Variants in LEMD3 observed in about 807,000 individuals in gnomAD.
LEMD3 encodes LEM domain containing 3.
In LEMD3, 33 loss-of-function variants were observed where a neutral mutation model predicts 95.2. The observed-to-expected ratio is 0.35, with a 90% confidence interval of 0.26 to 0.46. The LOEUF is 0.46. Among genes scored for constraint, LEMD3 ranks in the 20% least tolerant of loss-of-function variants. LEMD3 has a pLI of 1.00. For missense variants in LEMD3, 1,210 were observed against 1,192.8 expected, an observed-to-expected ratio of 1.01 and a Z score of -0.21; for synonymous variants, 525 against 474.6, an observed-to-expected ratio of 1.11 and a Z score of -1.38.
chr12:65,236,979 C>T (rs549861804), intron 4 of LEMD3, among the ~76,000 whole-genome samples: 3 of 151,790 alleles, frequency 2.0e-5, no homozygotes, highest in African/African-American at 4.8e-5. Flanking sequence ...TTTTTGGTTC[C>T]CTATAATTAC....
Position 65,170,507 on chromosome 12 carries a change from G to A in LEMD3, c.911G>A (p.Gly304Asp), listed in dbSNP as rs1225524811. The A allele has an allele frequency of 4.3e-6, 7 of 1,614,122 alleles. No homozygotes were observed. In the South Asian group the frequency reaches 4.4e-5, roughly 10 times the overall value. ...LPPLTAKSAG[G>D]RLETSVQGGG... ...CCGCTGACTGCTAAATCGGCCGGCG[G>A]CAGGCTGGAGACTTCAGTTCAGGGA... Residue 304 changes from glycine to aspartate, a missense_variant, in exon 1 of 13, where the codon GGC becomes GAC. Coordinates refer to ENST00000308330, the MANE Select transcript of LEMD3 (RefSeq NM_014319.5).
In LEMD3 at chr12:65,188,794, T is replaced by C. The variant is rs544519548; in HGVS notation, c.1522+17676T>C. 3.9e-5 allele frequency among the ~76,000 whole-genome samples: 6 copies of C among 152,292 alleles called. No individual in the cohort carries two copies. In the South Asian group the frequency reaches 1.2e-3, roughly 32 times the overall value. Reference sequence around the variant, plus strand: ...CAGGCTCATGGAAGAAGTATTCCTTTCTTGTTCATCTTATTTTTGTTGCTC... The same window carrying C: ...CAGGCTCATGGAAGAAGTATTCCTTCCTTGTTCATCTTATTTTTGTTGCTC... On this transcript the variant is annotated intron_variant, in intron 1 of 12. Transcript: ENST00000308330.
chr12:65,194,760 A>ATAAAT (rs1869357185), intron 1 of LEMD3, among the ~76,000 whole-genome samples: 1 of 33,614 alleles, frequency 3.0e-5, no homozygotes, highest in African/African-American at 2.2e-4. Context: ...CATTAGTTTT[A>ATAAAT]CATAGGCAGT....
chr12:65,245,364 C>A (rs1315714710), intron 10 of LEMD3: 1 of 322,754 alleles, frequency 3.1e-6, no homozygotes, highest in East Asian at 7.9e-5. Context: ...TGGTCTCGAT[C>A]TCCTGACCTC....
At chr12:65,235,275 A>G (rs932561689) in intron 4 of LEMD3, among the ~76,000 whole-genome samples, 1 of 152,158 alleles carries the variant, frequency 6.6e-6, no homozygotes. Context: ...TTTCATTTAT[A>G]TACAAAGTGA....
At chr12:65,235,042 C>T (rs960212150) in intron 4 of LEMD3, among the ~76,000 whole-genome samples, 1 of 152,062 alleles carries the variant, frequency 6.6e-6, no homozygotes, top group Non-Finnish European at 1.5e-5. Context: ...ACAAGCTGAA[C>T]AGCATGTATA....
At chr12:65,189,557 T>G (rs901865099) in intron 1 of LEMD3, among the ~76,000 whole-genome samples, 1 of 152,184 alleles carries the variant, frequency 6.6e-6, no homozygotes, top group South Asian at 2.1e-4. Flanking sequence ...CCAAGCAGTT[T>G]ATAGATACAA....
intron 4 of LEMD3, among the ~76,000 whole-genome samples, chr12:65,235,215 ATGT>A (rs1270434955): frequency 6.6e-6 from 1 of 152,128 alleles, no homozygotes; most frequent in African/African-American, 2.4e-5. Flanking sequence ...AAATGCAATA[ATGT>A]TGTCTTCAGC....
At chr12:65,175,990 A>G (rs1379019616) in intron 1 of LEMD3, among the ~76,000 whole-genome samples, 3 of 152,114 alleles carry the variant, frequency 2.0e-5, no homozygotes, top group African/African-American at 7.2e-5. Flanking sequence ...CTAATTGGAT[A>G]CCAAGTCCTG....
In LEMD3 at chr12:65,170,562, G is replaced by A. The variant is rs1253849857; in HGVS notation, c.966G>A (p.Ala322=). Residue 322 remains alanine, a synonymous_variant, in exon 1 of 13, where the codon GCG becomes GCA. Coordinates refer to ENST00000308330, the MANE Select transcript of LEMD3 (RefSeq NM_014319.5). ...GAGGACTCGCGATGAATGACAGGGC[G>A]GCGGCTGCCGGGAGTCTAGACAGGA... ...GGGGLAMNDR[A]AAAGSLDRSR... is the part of the protein sequence containing the mutation. 2 of 1,613,972 alleles carry A rather than the reference G, an allele frequency of 1.2e-6. No individual in the cohort carries two copies. Among genetic ancestry groups the A allele is most frequent in the Non-Finnish European group, 1.7e-6 (2 of 1,179,970 alleles).
Position 65,241,001 on chromosome 12 carries a change from C to T in LEMD3, c.2219C>T (p.Ala740Val), listed in dbSNP as rs1419762506. The part of the protein sequence containing the change: ...VRTETRRIGG[A>V]DFLVWRWIQP... ...ACGGAAACACGAAGAATAGGTGGTG[C>T]AGATTTTCTGGTTTGGCGGTGGATC... Residue 740 changes from alanine to valine, a missense_variant, in exon 9 of 13, where the codon GCA becomes GTA. By Grantham distance (64) the Ala-to-Val change is moderately conservative (BLOSUM62 0). Around this residue, in one of 2 missense-constraint regions of LEMD3, gnomAD observed 461 missense variants for 569.8 expected, o/e 0.81. Coordinates refer to ENST00000308330, the MANE Select transcript of LEMD3 (RefSeq NM_014319.5). The T allele has an allele frequency of 6.2e-7, 1 of 1,613,888 alleles. No individual in the cohort carries two copies. Among genetic ancestry groups the T allele is most frequent in the Non-Finnish European group, 8.5e-7 (1 of 1,179,932 alleles).
At chr12:65,171,700 C>T (rs915858017) in intron 1 of LEMD3, 1 of 163,286 alleles carries the variant, frequency 6.1e-6, no homozygotes, top group Non-Finnish European at 1.3e-5. Context: ...CTTTCCCTAT[C>T]ATCTGTACAA....
At chr12:65,196,636 CA>C (rs923704869) in intron 1 of LEMD3, among the ~76,000 whole-genome samples, 10 of 152,040 alleles carry the variant, frequency 6.6e-5, no homozygotes, top group Non-Finnish European at 1.2e-4. Context: ...CTGCTAGACC[CA>C]ATATAGTCTC....
In LEMD3 at chr12:65,214,518, A is replaced by C. The variant is rs954118550; in HGVS notation, c.1561-1459A>C. On this transcript the variant is annotated intron_variant, in intron 2 of 12. Coordinates refer to ENST00000308330, the MANE Select transcript of LEMD3 (RefSeq NM_014319.5). ...TGGTAGGATCTTGGCACTTTTGATG[A>C]GTTTTCCTCTTAGTATAACCGATTA... 6.6e-5 allele frequency among the ~76,000 whole-genome samples: 10 copies of C among 152,284 alleles called. No individual in the cohort carries two copies. The East Asian group carries it at 1.9e-3, about 29-fold the overall frequency.
At chr12:65,243,546 G>A (rs781329987) in intron 10 of LEMD3, 77 bp downstream of exon 10, 59 of 839,718 alleles carry the variant, frequency 7.0e-5, no homozygotes, top group Non-Finnish European at 1.2e-4. Flanking sequence ...TTCTTATAAT[G>A]GTGTGTCTGT....
intron 4 of LEMD3, among the ~76,000 whole-genome samples, chr12:65,229,022 A>G (rs938586498): frequency 1.3e-5 from 2 of 152,172 alleles, no homozygotes; most frequent in Non-Finnish European, 2.9e-5. Flanking sequence ...AGTAACCACT[A>G]TTCTCTTCTA....
In LEMD3 at chr12:65,212,393, C is replaced by T. The variant is rs573106136; in HGVS notation, c.1560+1430C>T. ...CAGTTTAAAATATCCTTGAAGAGTC[C>T]GGGCGTGGTGGCAGGCGCCTGTAGT... On this transcript the variant is annotated intron_variant, in intron 2 of 12. Coordinates refer to ENST00000308330, the MANE Select transcript of LEMD3 (RefSeq NM_014319.5). Among the ~76,000 whole-genome samples, 30 of 151,932 alleles carry T rather than the reference C, an allele frequency of 2.0e-4. 1 individual carries two copies. The highest frequency in any genetic ancestry group is 6.8e-4 in the African/African-American group (28 of 41,438).
At chr12:65,222,474 T>C (rs1870320046) in intron 4 of LEMD3, among the ~76,000 whole-genome samples, 1 of 152,200 alleles carries the variant, frequency 6.6e-6, no homozygotes, top group Non-Finnish European at 1.5e-5. Context: ...TCCTTTTCAA[T>C]TTTTCAGAAG....
At chr12:65,171,285 C>T (rs1193507776) in intron 1 of LEMD3, 167 bp downstream of exon 1, 41 of 1,200,324 alleles carry the variant, frequency 3.4e-5, no homozygotes, top group Non-Finnish European at 3.2e-5. Flanking sequence ...ACACCATTAT[C>T]GAAATGATGT....
Sources: gnomAD v4.1 joint callset for allele counts (sites outside exome capture counted in the v4.1 genomes callset) on GRCh38, gnomAD v4.1.1 for gene constraint, gnomAD v4.1.1 regional missense constraint, MANE v1.5 for transcripts, NCBI Gene and HGNC (gene_info 2026-07-23, HGNC 2026-07-21) for gene names.